The following RALGAPA2 variants were observed in gnomAD, a reference collection of about 807,000 sequenced individuals.
The protein encoded by RALGAPA2 is Ral GTPase activating protein catalytic subunit alpha 2.
A neutral mutation model predicts 230.4 loss-of-function variants in RALGAPA2; 139 were observed. That is an observed-to-expected ratio of 0.60 (90% CI 0.53 to 0.69). The LOEUF is 0.69. RALGAPA2 is among the 30% of genes least tolerant of loss of function. RALGAPA2 has a pLI of 0.00. For synonymous variants in RALGAPA2, 847 were observed against 837.8 expected (o/e 1.01, Z -0.19); for missense variants, 2,163 against 2,276.0 (o/e 0.95, Z 1.01).
rs1297581389 is a variant in RALGAPA2 at position 20,531,652 on chromosome 20, C to T, written c.3582+35G>A. On this transcript the variant is annotated intron_variant, in intron 27 of 39. Coordinates refer to ENST00000202677, the MANE Select transcript of RALGAPA2 (RefSeq NM_020343.4). ...AAACTGTTAAATGCCTCAGATATGG[C>T]TTAATATCCAATCAGCACCACAAAC... The T allele has an allele frequency of 2.7e-6, 4 of 1,488,390 alleles. No individual in the cohort carries two copies. In the Admixed American group the frequency reaches 5.6e-5, roughly 21 times the overall value. 92.2% of individuals were successfully genotyped at this position (1,488,390 alleles called of 1,614,324 possible).
chr20:20,605,038 T>C (rs2065776194), intron 15 of RALGAPA2, 137 bp downstream of exon 15: 4 of 685,838 alleles, frequency 5.8e-6, no homozygotes, highest in Non-Finnish European at 9.9e-6. Context: ...AGACACAAAT[T>C]AATGCCACTA....
chr20:20,433,342 G>A (rs1249419175), intron 37 of RALGAPA2, among the ~76,000 whole-genome samples: 1 of 152,094 alleles, frequency 6.6e-6, no homozygotes, highest in African/African-American at 2.4e-5. Flanking sequence ...AAGGTGGTTG[G>A]GCAGGGAGGG....
intron 3 of RALGAPA2, among the ~76,000 whole-genome samples, chr20:20,675,173 A>C (rs770427195): frequency 7.2e-5 from 11 of 152,202 alleles, no homozygotes; most frequent in Non-Finnish European, 1.5e-4. Flanking sequence ...CATAATAACC[A>C]CTACAGAATA....
intron 1 of RALGAPA2, among the ~76,000 whole-genome samples, chr20:20,688,711 T>C (rs1352035262): frequency 6.6e-6 from 1 of 152,224 alleles, no homozygotes; most frequent in Non-Finnish European, 1.5e-5. Context: ...AGCACAGGTA[T>C]TGAATACATG....
intron 4 of RALGAPA2, among the ~76,000 whole-genome samples, chr20:20,652,404 T>C (rs1414044377): frequency 2.0e-5 from 3 of 152,232 alleles, no homozygotes; most frequent in Admixed American, 2.0e-4. Flanking sequence ...GTTATCATCA[T>C]ACTTCTTTCA....
At chr20:20,691,522 T>C (rs1389375732) in intron 1 of RALGAPA2, among the ~76,000 whole-genome samples, 6 of 152,188 alleles carry the variant, frequency 3.9e-5, no homozygotes, top group Non-Finnish European at 8.8e-5. Flanking sequence ...ATACATAATT[T>C]ATGATGTATA....
intron 7 of RALGAPA2, among the ~76,000 whole-genome samples, chr20:20,638,278 C>T (rs1316842550): frequency 6.6e-6 from 1 of 152,132 alleles, no homozygotes; most frequent in African/African-American, 2.4e-5. Context: ...GCTTGTTAGA[C>T]CACAGAGCAC....
chr20:20,494,753 G>C (rs1272740643), intron 36 of RALGAPA2, among the ~76,000 whole-genome samples: 1 of 152,222 alleles, frequency 6.6e-6, no homozygotes, highest in Non-Finnish European at 1.5e-5. Context: ...CAAAATGCTA[G>C]ATGTGATATG....
intron 33 of RALGAPA2, among the ~76,000 whole-genome samples, chr20:20,509,521 C>A (rs572132274): frequency 1.4e-4 from 21 of 152,212 alleles, no homozygotes; most frequent in African/African-American, 5.1e-4. Context: ...GGAAAAAAGG[C>A]CCTCATGTCC....
At chr20:20,618,346 C>A (rs1183600848) in intron 12 of RALGAPA2, among the ~76,000 whole-genome samples, 1 of 152,132 alleles carries the variant, frequency 6.6e-6, no homozygotes, top group East Asian at 1.9e-4. Context: ...TTATGAGCAG[C>A]ACCAAAAGTC....
At chr20:20,683,043 C>T (rs2068574701) in intron 1 of RALGAPA2, among the ~76,000 whole-genome samples, 1 of 152,220 alleles carries the variant, frequency 6.6e-6, no homozygotes, top group Admixed American at 6.5e-5. Flanking sequence ...AGATCCTGTT[C>T]TTCCCTCTGG....
intron 6 of RALGAPA2, 61 bp downstream of exon 6, chr20:20,640,640 G>C: frequency 6.8e-7 from 1 of 1,460,162 alleles, no homozygotes; most frequent in African/African-American, 1.4e-5. Context: ...GAAAAAGTAA[G>C]AATTCCTCAA....
chr20:20,576,615 A>T (rs1024266533), intron 20 of RALGAPA2, among the ~76,000 whole-genome samples: 1 of 152,044 alleles, frequency 6.6e-6, no homozygotes, highest in Non-Finnish European at 1.5e-5. Flanking sequence ...ATGGTCTCTA[A>T]TTATGTTTTT....
In RALGAPA2 at chr20:20,712,131, G is replaced by C. The variant is rs2069903030; in HGVS notation, c.106+244C>G. ...GGCCTCCAGGTTCTCCGGGAGCGCA[G>C]GCGCCCAGCGAGAATCTGGGCTAAG... On this transcript the variant is annotated intron_variant, in intron 1 of 39. Transcript: ENST00000202677. The surrounding 1 kb of genome is among the most constrained non-coding windows in gnomAD (Gnocchi z 5.5). Among the ~76,000 whole-genome samples the C allele has an allele frequency of 1.3e-5, 2 of 152,178 alleles. No individual in the cohort carries two copies. Among genetic ancestry groups the C allele is most frequent in the African/African-American group, 4.8e-5 (2 of 41,458 alleles).
intron 36 of RALGAPA2, among the ~76,000 whole-genome samples, chr20:20,492,314 T>A (rs2062080570): frequency 6.6e-6 from 1 of 152,104 alleles, no homozygotes; most frequent in African/African-American, 2.4e-5. Context: ...TATACTCAGA[T>A]GAAATACACA....
chr20:20,505,330 T>C (rs2062500008), intron 34 of RALGAPA2, 81 bp downstream of exon 34: 2 of 1,340,708 alleles, frequency 1.5e-6, no homozygotes, highest in Admixed American at 3.4e-5. Flanking sequence ...AAAGCACATG[T>C]AAAAACTTAC....
chr20:20,650,857 G>A (rs1279135169), intron 4 of RALGAPA2, among the ~76,000 whole-genome samples: 2 of 152,104 alleles, frequency 1.3e-5, no homozygotes, highest in Non-Finnish European at 2.9e-5. Flanking sequence ...GGTACAGTGA[G>A]GTATATATGT....
intron 26 of RALGAPA2, among the ~76,000 whole-genome samples, chr20:20,534,994 G>A (rs1312638560): frequency 6.6e-6 from 1 of 152,154 alleles, no homozygotes; most frequent in East Asian, 1.9e-4. Flanking sequence ...ATCTACTGAA[G>A]ATAACCAAAG....
At chr20:20,401,810 T>C (rs983265669) in intron 38 of RALGAPA2, among the ~76,000 whole-genome samples, 19 of 152,238 alleles carry the variant, frequency 1.2e-4, no homozygotes, top group African/African-American at 4.3e-4. Flanking sequence ...ATAATTAAGA[T>C]ACTTCCTATA....
Sources: gnomAD v4.1 joint callset for allele counts (sites outside exome capture counted in the v4.1 genomes callset) on GRCh38, gnomAD v4.1.1 for gene constraint, Gnocchi (gnomAD v3.1) non-coding constraint, MANE v1.5 for transcripts, NCBI Gene and HGNC (gene_info 2026-07-23, HGNC 2026-07-21) for gene names.